CDKAL1: variants seen among roughly 807,000 people sequenced by gnomAD.
CDKAL1 encodes threonylcarbamoyladenosine tRNA methylthiotransferase.
In CDKAL1, 32 loss-of-function variants were observed where a neutral mutation model predicts 68.2. That is an observed-to-expected ratio of 0.47 (90% CI 0.35 to 0.63). The LOEUF (loss-of-function observed/expected upper bound fraction) is 0.63, where lower values mean the gene tolerates loss of function less well. Among genes scored for constraint, CDKAL1 ranks in the 30% least tolerant of loss-of-function variants. The pLI is 0.00. For missense variants in CDKAL1, 606 were observed against 696.7 expected (o/e 0.87, Z 1.47); for synonymous variants, 234 against 244.3 (o/e 0.96, Z 0.39).
intron 11 of CDKAL1, among the ~76,000 whole-genome samples, chr6:21,050,246 T>C (rs951252590): frequency 2.6e-5 from 4 of 152,350 alleles, no homozygotes; most frequent in Middle Eastern, 3.4e-3. Context: ...AGCATATAGA[T>C]TTTGCCTAAT....
At position 20,815,511 on chromosome 6, in the gene CDKAL1, T is replaced by A. The variant is rs527496152; in HGVS notation, c.639-30564T>A. On this transcript the variant is annotated intron_variant, in intron 8 of 15. Transcript: ENST00000274695. ...ATAATCTCTTTTTCTCCTTTTTTTT[T>A]AAATAAACTTTCTCTTTTTTGATGG... 3.2e-4 allele frequency among the ~76,000 whole-genome samples: 48 copies of A among 152,220 alleles called. 1 individual carries two copies. The highest frequency in any genetic ancestry group is 9.9e-4 in the African/African-American group (41 of 41,564).
intron 9 of CDKAL1, among the ~76,000 whole-genome samples, chr6:20,901,668 G>A (rs529928899): frequency 9.5e-6 from 1 of 105,820 alleles, no homozygotes; most frequent in South Asian, 3.9e-4. Flanking sequence ...GCAAGAGTGC[G>A]AGACTCCATC....
intron 8 of CDKAL1, among the ~76,000 whole-genome samples, chr6:20,829,155 T>C (rs1011012241): frequency 6.6e-6 from 1 of 152,224 alleles, no homozygotes; most frequent in Non-Finnish European, 1.5e-5. Flanking sequence ...ACTATACAAA[T>C]ATCTGTTTAA....
chr6:20,752,502 CACACAG>C (rs1487176328), intron 6 of CDKAL1, among the ~76,000 whole-genome samples: 11 of 152,276 alleles, frequency 7.2e-5, no homozygotes, highest in Non-Finnish European at 1.5e-4. Flanking sequence ...TGTACACACA[CACACAG>C]ACACAGACAC....
chr6:21,198,983 A>G (rs1048150254), intron 14 of CDKAL1, among the ~76,000 whole-genome samples: 6 of 152,232 alleles, frequency 3.9e-5, no homozygotes, highest in Admixed American at 3.9e-4. Flanking sequence ...CCATCTCATG[A>G]TAGCCTGTGT....
chr6:21,069,670 TCTTC>T (rs777085833), intron 12 of CDKAL1, among the ~76,000 whole-genome samples: 3 of 151,714 alleles, frequency 2.0e-5, no homozygotes, highest in African/African-American at 7.3e-5. Context: ...AGTTGAGAAA[TCTTC>T]CTTCCTCTAC....
intron 12 of CDKAL1, among the ~76,000 whole-genome samples, chr6:21,084,336 A>C (rs1772581600): frequency 6.6e-6 from 1 of 152,244 alleles, no homozygotes; most frequent in African/African-American, 2.4e-5. Flanking sequence ...TTGGAAAGGC[A>C]GAAATTTATT....
rs752785251 is a variant in CDKAL1, at chr6:20,959,548, CT to C, written c.909+3976del. Among the ~76,000 whole-genome samples, 893 of 143,518 alleles carry C rather than the reference CT, an allele frequency of 6.2e-3. 1 individual carries two copies. The highest frequency in any genetic ancestry group is 0.012 in the African/African-American group (483 of 39,436). 94.2% of individuals were successfully genotyped at this position (143,518 alleles called of 152,430 possible). Reference sequence around the variant, plus strand: ...TGCCCTAATGATATCTCCTCTATATCTTTTTTTTTTTTTACCATTTCATACT... The same window carrying C: ...TGCCCTAATGATATCTCCTCTATATCTTTTTTTTTTTTACCATTTCATACT... On this transcript the variant is annotated intron_variant, in intron 10 of 15. Coordinates refer to ENST00000274695, the MANE Select transcript of CDKAL1 (RefSeq NM_017774.3).
rs529333424 is a variant in CDKAL1, at chr6:21,003,873, TG to T, written c.1055+3503del. The stretch of plus-strand genomic sequence containing the variant: ...TTCATAAAATGATCCTGACTTAAAG[TG>T]GTATGTTTGGTGCTTTCTTTTTCTG... On this transcript the variant is annotated intron_variant, in intron 11 of 15. Transcript: ENST00000274695. Among the ~76,000 whole-genome samples, 33 of 152,304 alleles carry T rather than the reference TG, an allele frequency of 2.2e-4. 1 individual carries two copies. The South Asian group carries it at 6.6e-3, about 31-fold the overall frequency.
intron 4 of CDKAL1, among the ~76,000 whole-genome samples, chr6:20,551,917 C>T (rs1763848987): frequency 6.6e-6 from 1 of 151,564 alleles, no homozygotes; most frequent in Non-Finnish European, 1.5e-5. Flanking sequence ...ATTTTTGAGA[C>T]AGGTCTCACT....
chr6:20,698,529 C>T (rs1001111380), intron 5 of CDKAL1, among the ~76,000 whole-genome samples: 1 of 152,078 alleles, frequency 6.6e-6, no homozygotes, highest in Non-Finnish European at 1.5e-5. Context: ...CTCAGATTAT[C>T]TTTGTTTTTG....
At chr6:21,128,523 C>G (rs955072738) in intron 13 of CDKAL1, among the ~76,000 whole-genome samples, 39 of 152,186 alleles carry the variant, frequency 2.6e-4, no homozygotes, top group African/African-American at 8.2e-4. Flanking sequence ...TTCTATTTTG[C>G]TAACACACTG....
chr6:20,739,479 G>T, intron 5 of CDKAL1, 40 bp from the exon 6 acceptor site: 1 of 1,302,970 alleles, frequency 7.7e-7, no homozygotes. Context: ...GTATACCCAT[G>T]AGCAAAGGAA....
intron 8 of CDKAL1, among the ~76,000 whole-genome samples, chr6:20,797,369 A>G (rs1469196598): frequency 6.6e-6 from 1 of 152,238 alleles, no homozygotes; most frequent in Non-Finnish European, 1.5e-5. Context: ...GATGTAGAGC[A>G]ATTAGAGCTC....
At chr6:21,165,410 T>A (rs1562085522) in intron 13 of CDKAL1, among the ~76,000 whole-genome samples, 2 of 152,242 alleles carry the variant, frequency 1.3e-5, no homozygotes, top group Non-Finnish European at 2.9e-5. Flanking sequence ...TCTTTTTATT[T>A]ACTCCGAACA....
chr6:20,803,985 G>A (rs571867585), intron 8 of CDKAL1, among the ~76,000 whole-genome samples: 3 of 150,430 alleles, frequency 2.0e-5, no homozygotes, highest in African/African-American at 5.0e-5. Context: ...TCCTGTTTAG[G>A]GAAAAAGAAA....
chr6:21,064,927 C>A, intron 11 of CDKAL1, 121 bp from the exon 12 acceptor site: 1 of 592,944 alleles, frequency 1.7e-6, no homozygotes, highest in Non-Finnish European at 2.7e-6. Context: ...AAACTATTTG[C>A]ACGTGTGCTT....
intron 15 of CDKAL1, among the ~76,000 whole-genome samples, chr6:21,218,921 A>C (rs952745623): frequency 3.9e-5 from 6 of 152,224 alleles, no homozygotes; most frequent in Admixed American, 1.3e-4. Context: ...CCATACTTTT[A>C]TAGTAACATA....
chr6:20,906,687 A>C (rs2150611747), intron 9 of CDKAL1, among the ~76,000 whole-genome samples: 1 of 152,350 alleles, frequency 6.6e-6, no homozygotes, highest in Non-Finnish European at 1.5e-5. Flanking sequence ...ATTTGTATAC[A>C]AAAGGAAATG....
Sources: gnomAD v4.1 joint callset for allele counts (sites outside exome capture counted in the v4.1 genomes callset) on GRCh38, gnomAD v4.1.1 for gene constraint, MANE v1.5 for transcripts, NCBI Gene and HGNC (gene_info 2026-07-23, HGNC 2026-07-21) for gene names.